The following NUP35 variants were observed in gnomAD, a reference collection of about 807,000 sequenced individuals.
The protein encoded by NUP35 is nucleoporin NUP35.
NUP35 carries 25 observed loss-of-function variants against 41.5 expected under a neutral mutation model. The ratio of observed to expected loss-of-function variants is 0.60; its 90% CI spans 0.44 to 0.84. The LOEUF (loss-of-function observed/expected upper bound fraction) is 0.84. Ranked by LOEUF, NUP35 falls within the 40% of genes least tolerant of loss-of-function variation. NUP35 has a pLI of 0.00. For synonymous variants in NUP35, 149 were observed against 130.7 expected, an observed-to-expected ratio of 1.14 and a Z score of -0.96; for missense variants, 396 against 396.6, an observed-to-expected ratio of 1.00 and a Z score of 0.01.
intron 4 of NUP35, among the ~76,000 whole-genome samples, chr2:183,138,269 A>ATATATATATTTTTTTTTT: frequency 8.7e-5 from 7 of 80,690 alleles, no homozygotes; most frequent in South Asian, 4.9e-4. Flanking sequence ...ATATATATAT[A>ATATATATATTTTTTTTTT]TTTTTTTTTT....
chr2:183,158,542 T>A, intron 7 of NUP35, 131 bp downstream of exon 7: 1 of 742,260 alleles, frequency 1.3e-6, no homozygotes, highest in Non-Finnish European at 2.0e-6. Context: ...TGTGATGATG[T>A]TTATAGTACT....
intron 4 of NUP35, among the ~76,000 whole-genome samples, chr2:183,150,545 G>A (rs1685434814): frequency 6.6e-6 from 1 of 151,998 alleles, no homozygotes. Flanking sequence ...ATGCACCTCA[G>A]TGAAATCCTT....
At chr2:183,148,136 T>A (rs1346141689) in intron 4 of NUP35, among the ~76,000 whole-genome samples, 1 of 152,204 alleles carries the variant, frequency 6.6e-6, no homozygotes, top group Non-Finnish European at 1.5e-5. Flanking sequence ...GCAAAATTGA[T>A]TCCTTTCCTT....
intron 1 of NUP35, among the ~76,000 whole-genome samples, chr2:183,126,638 A>ATT (rs1357154200): frequency 6.5e-5 from 7 of 107,336 alleles, no homozygotes; most frequent in Non-Finnish European, 1.3e-4. Flanking sequence ...CATTTATTGA[A>ATT]TTTGTTTTTT....
chr2:183,125,212 T>G (rs1411607365), intron 1 of NUP35, among the ~76,000 whole-genome samples: 1 of 151,736 alleles, frequency 6.6e-6, no homozygotes, highest in Non-Finnish European at 1.5e-5. Context: ...CATTATTCAT[T>G]GCGGAGCCTC....
At chr2:183,126,833 G>T (rs2105537970) in intron 1 of NUP35, among the ~76,000 whole-genome samples, 1 of 152,194 alleles carries the variant, frequency 6.6e-6, no homozygotes, top group Admixed American at 6.5e-5. Flanking sequence ...CCTTCTGAGT[G>T]CAATGAGTCA....
intron 2 of NUP35, among the ~76,000 whole-genome samples, chr2:183,129,152 G>T (rs949137462): frequency 7.2e-5 from 11 of 152,190 alleles, no homozygotes; most frequent in Non-Finnish European, 1.5e-4. Flanking sequence ...TGAAGATGTA[G>T]ATACGAATTC....
At chr2:183,129,846 C>T (rs1684634391) in intron 2 of NUP35, among the ~76,000 whole-genome samples, 1 of 152,312 alleles carries the variant, frequency 6.6e-6, no homozygotes, top group South Asian at 2.1e-4. Flanking sequence ...TTTGACATTG[C>T]ATGTTCTCTG....
At chr2:183,146,699 C>T (rs767601839) in intron 4 of NUP35, among the ~76,000 whole-genome samples, 33 of 151,804 alleles carry the variant, frequency 2.2e-4, no homozygotes, top group Admixed American at 7.9e-4. Flanking sequence ...CGGGTTTGAG[C>T]GATTCTCTTG....
intron 5 of NUP35, among the ~76,000 whole-genome samples, chr2:183,152,628 A>G (rs1307806978): frequency 1.3e-5 from 2 of 152,212 alleles, no homozygotes; most frequent in Non-Finnish European, 2.9e-5. Flanking sequence ...TGCAAATGCC[A>G]TTAATTAATT....
chr2:183,141,922 A>G (rs557938994), intron 4 of NUP35, among the ~76,000 whole-genome samples: 4 of 152,324 alleles, frequency 2.6e-5, no homozygotes, highest in South Asian at 4.1e-4. Context: ...GGTGAAGAAC[A>G]TATTTAAGTA....
chr2:183,151,845 A>G (rs952825615), intron 5 of NUP35, among the ~76,000 whole-genome samples, 196 bp downstream of exon 5: 13 of 152,256 alleles, frequency 8.5e-5, no homozygotes, highest in Middle Eastern at 3.4e-3. Flanking sequence ...TTGTTGGTAC[A>G]TTTCATAATA....
At chr2:183,131,246 G>A (rs375420857) in intron 3 of NUP35, 2 of 156,032 alleles carry the variant, frequency 1.3e-5, no homozygotes, top group East Asian at 1.8e-4. Context: ...GTGCCTGGCC[G>A]ACTTTTCTTT....
At chr2:183,142,825 TTTG>T (rs1175414369) in intron 4 of NUP35, among the ~76,000 whole-genome samples, 1 of 151,756 alleles carries the variant, frequency 6.6e-6, no homozygotes. Context: ...CAGGAACCTT[TTTG>T]TTGTTGTCCT....
intron 5 of NUP35, among the ~76,000 whole-genome samples, chr2:183,153,518 T>C (rs1291245124): frequency 1.3e-5 from 2 of 152,168 alleles, no homozygotes; most frequent in African/African-American, 4.8e-5. Flanking sequence ...ATAGGCCCCA[T>C]GCAAGTTCAA....
At chr2:183,148,505 G>A (rs1265558529) in intron 4 of NUP35, among the ~76,000 whole-genome samples, 2 of 152,076 alleles carry the variant, frequency 1.3e-5, no homozygotes, top group African/African-American at 2.4e-5. Flanking sequence ...TCTGACTAGG[G>A]TAAGGTGATG....
intron 1 of NUP35, among the ~76,000 whole-genome samples, chr2:183,127,208 G>T (rs1219629772): frequency 6.6e-6 from 1 of 151,704 alleles, no homozygotes; most frequent in Non-Finnish European, 1.5e-5. Flanking sequence ...GATTTATTTT[G>T]TATCAATTGT....
chr2:183,158,158 T>C lies in NUP35; in HGVS notation c.610-125T>C, dbSNP rs1447316158. ...CGATTTTTGTTGAACTTTACAGCTTTTTACAAGGCATCAAATACGGAATGG... is the reference window on the plus strand; with the variant it reads ...CGATTTTTGTTGAACTTTACAGCTTCTTACAAGGCATCAAATACGGAATGG... On this transcript the variant is annotated intron_variant, in intron 6 of 8. Transcript: ENST00000295119. The C allele has an allele frequency of 8.9e-6, 6 of 677,332 alleles. 1 individual carries two copies. The South Asian group carries it at 1.7e-4, about 20-fold the overall frequency. 42.0% of individuals were successfully genotyped at this position (677,332 alleles called of 1,614,324 possible). A position where few individuals can be genotyped will look rare whatever the true frequency, so the allele number is the denominator to read the frequency against.
At chr2:183,158,908 G>A (rs1466534513) in intron 7 of NUP35, among the ~76,000 whole-genome samples, 2 of 152,070 alleles carry the variant, frequency 1.3e-5, no homozygotes, top group Non-Finnish European at 2.9e-5. Flanking sequence ...ATAGTACAGA[G>A]TACAATTTAA....
Sources: gnomAD v4.1 joint callset for allele counts (sites outside exome capture counted in the v4.1 genomes callset) on GRCh38, gnomAD v4.1.1 for gene constraint, MANE v1.5 for transcripts, NCBI Gene and HGNC (gene_info 2026-07-23, HGNC 2026-07-21) for gene names.